The following SNX19 variants were observed in gnomAD, a reference collection of about 807,000 sequenced individuals.
SNX19 encodes the protein sorting nexin 19, also known as sorting nexin-19.
Under a neutral mutation model 85.2 loss-of-function variants are expected in SNX19, and 60 were observed. The observed-to-expected ratio is 0.70, with a 90% CI of 0.57 to 0.87. The LOEUF is 0.87. Ranked by LOEUF, SNX19 falls within the 40% of genes least tolerant of loss-of-function variation. SNX19 has a pLI of 0.00. For missense variants in SNX19, 1,201 were observed against 1,217.8 expected (o/e 0.99, Z 0.21); for synonymous variants, 520 against 470.0 (o/e 1.11, Z -1.38).
rs760126088 is a variant in SNX19, at chr11:130,905,976, T to C, written c.2420A>G (p.Gln807Arg). Residue 807 changes from glutamine to arginine, a missense_variant, in exon 7 of 11, where the codon CAA becomes CGA. Transcript: ENST00000265909. ...ACCTGGATCGCTGTTGCTGGGGTCTTGGGCTGGCACGGCTGCATCTGACAC... is the reference window on the plus strand; with the variant it reads ...ACCTGGATCGCTGTTGCTGGGGTCTCGGGCTGGCACGGCTGCATCTGACAC... Reference protein sequence around the residue: ...SCVSDAAVPAQDPSNSDPGTE... With the variant: ...SCVSDAAVPARDPSNSDPGTE... 1.9e-6 allele frequency: 3 copies of C among 1,614,218 alleles called. No individual in the cohort carries two copies. The highest frequency in any genetic ancestry group is 2.2e-5 in the East Asian group (1 of 44,880).
At position 130,915,860 on chromosome 11, in the gene SNX19, C is replaced by G. The variant is rs774443469; in HGVS notation, c.80G>C (p.Arg27Pro). 6.2e-7 allele frequency: 1 copy of G among 1,614,226 alleles called. No homozygotes were observed. The highest frequency in any genetic ancestry group is 8.5e-7 in the Non-Finnish European group (1 of 1,180,038). ...SCHLNNLLSS[R>P]KLMAVGVLLG... ...CAAGACCCCCACAGCCATCAGCTTC[C>G]GGCTACTCAACAGGTTATTGAGGTG... The change falls in exon 1 of 11, where the codon CGG becomes CCG. Residue 27 changes from arginine (R) to proline (P), a missense_variant. Transcript: ENST00000265909.
chr11:130,872,349 G>A lies in SNX19; in HGVS notation c.*6073C>T, dbSNP rs145417161. 1.3e-5 allele frequency among the ~76,000 whole-genome samples: 2 copies of A among 152,224 alleles called. No homozygotes were observed. The highest frequency in any genetic ancestry group is 3.9e-4 in the East Asian group (2 of 5,176). ...GCCCAAATTTCCCCCACCGCTTCAC[G>A]GTGGCCTTGGCTTTACACACTGTTG... On this transcript the variant is annotated 3_prime_UTR_variant, in exon 11 of 11. Coordinates refer to ENST00000265909, the MANE Select transcript of SNX19 (RefSeq NM_014758.3).
At chr11:130,883,898 C>A (rs543410685) in intron 8 of SNX19, among the ~76,000 whole-genome samples, 2 of 152,242 alleles carry the variant, frequency 1.3e-5, no homozygotes, top group African/African-American at 4.8e-5. Context: ...ACTGCCCTCA[C>A]ACAATACAAT....
rs995521526 is a variant in SNX19 at position 130,866,342 on chromosome 11, A to T, written c.*12080T>A. On this transcript the variant is annotated 3_prime_UTR_variant, in exon 11 of 11. Coordinates refer to ENST00000265909, the MANE Select transcript of SNX19 (RefSeq NM_014758.3). Reference sequence around the variant, plus strand: ...TAGTCTTCATTCTTAAAAAGTACATAGTAAAGGTATGAAAAACATTTGTAT... The same window carrying T: ...TAGTCTTCATTCTTAAAAAGTACATTGTAAAGGTATGAAAAACATTTGTAT... The T allele has an allele frequency of 3.3e-5, 5 of 152,216 alleles. No individual in the cohort carries two copies. The highest frequency in any genetic ancestry group is 1.2e-4 in the African/African-American group (5 of 41,464). 9.4% of individuals were successfully genotyped at this position (152,216 alleles called of 1,614,324 possible). A position where few individuals can be genotyped will look rare whatever the true frequency, so the allele number is the denominator to read the frequency against.
chr11:130,895,555 A>T (rs547502837), intron 8 of SNX19, among the ~76,000 whole-genome samples: 180 of 152,326 alleles, frequency 1.2e-3, no homozygotes, highest in African/African-American at 4.0e-3. Flanking sequence ...TCAAAATCTT[A>T]GGTTCCTGTT....
chr11:130,894,431 A>G (rs1304786514), intron 8 of SNX19, among the ~76,000 whole-genome samples: 1 of 152,224 alleles, frequency 6.6e-6, no homozygotes, highest in African/African-American at 2.4e-5. Flanking sequence ...GGGCTTATCT[A>G]AAAGTCACTG....
intron 8 of SNX19, among the ~76,000 whole-genome samples, chr11:130,887,906 GC>G (rs1480025069): frequency 6.6e-6 from 1 of 152,090 alleles, no homozygotes; most frequent in Non-Finnish European, 1.5e-5. Context: ...AAAATGATGT[GC>G]CCAGAACCAA....
chr11:130,879,449 T>C (rs1360140250), intron 10 of SNX19, among the ~76,000 whole-genome samples, 175 bp downstream of exon 10: 2 of 91,858 alleles, frequency 2.2e-5, no homozygotes, highest in East Asian at 2.7e-4. Context: ...ATGGTGTGGA[T>C]TTTACTTAGA....
In SNX19 at chr11:130,914,914, C is replaced by T; in HGVS notation, c.1026G>A (p.Gly342=). The stretch of plus-strand genomic sequence containing the variant: ...TTCCTACTTTTCTTTCTTCACACAT[C>T]CCACCCAAATCTCCCTCTACAGCTT... The part of the protein sequence containing the change: ...GHEAVEGDLG[G]MCEERKVGNN... Residue 342 remains glycine (G), a synonymous_variant, in exon 1 of 11, where the codon GGG becomes GGA. Coordinates refer to ENST00000265909, the MANE Select transcript of SNX19 (RefSeq NM_014758.3). The T allele has an allele frequency of 6.2e-7, 1 of 1,614,206 alleles. No homozygotes were observed. The highest frequency in any genetic ancestry group is 8.5e-7 in the Non-Finnish European group (1 of 1,180,038).
At position 130,906,574 on chromosome 11, in the gene SNX19, A is replaced by G. The variant is rs747690620; in HGVS notation, c.2262+51T>C. On this transcript the variant is annotated intron_variant, in intron 6 of 10. Transcript: ENST00000265909. ...TATCTCAACTACCTGTAACTGCAGG[A>G]CCAACATCTCAGATATTTTTGCCTC... 11 of 1,279,460 alleles carry G rather than the reference A, an allele frequency of 8.6e-6. 1 individual carries two copies. In the South Asian group the frequency reaches 1.2e-4, roughly 14 times the overall value. 79.3% of individuals were successfully genotyped at this position (1,279,460 alleles called of 1,614,324 possible).
At chr11:130,902,324 A>T (rs923733611) in intron 8 of SNX19, among the ~76,000 whole-genome samples, 1 of 152,250 alleles carries the variant, frequency 6.6e-6, no homozygotes, top group African/African-American at 2.4e-5. Flanking sequence ...ATTCAATTTT[A>T]TTAAACCTCC....
rs148379069 is a variant in SNX19 at position 130,915,373 on chromosome 11, C to A, written c.567G>T (p.Trp189Cys). Reference protein sequence around the residue: ...KNGPVEPSHLWEAYCRATAPH... With the variant: ...KNGPVEPSHLCEAYCRATAPH... ...GGGCAGTCGCCCGGCAGTAAGCCTC[C>A]CAGAGGTGGGAAGGCTCAACTGGAC... Residue 189 changes from tryptophan (W) to cysteine (C), a missense_variant, in exon 1 of 11, where the codon TGG (tryptophan) becomes TGT (cysteine). By Grantham distance (215) the Trp-to-Cys change is radical (BLOSUM62 -2). Coordinates refer to ENST00000265909, the MANE Select transcript of SNX19 (RefSeq NM_014758.3). 8.7e-6 allele frequency: 14 copies of A among 1,614,110 alleles called. No individual in the cohort carries two copies. The highest frequency in any genetic ancestry group is 1.7e-5 in the Admixed American group (1 of 60,038).
chr11:130,888,715 C>G (rs1379241183), intron 8 of SNX19, among the ~76,000 whole-genome samples: 4 of 152,098 alleles, frequency 2.6e-5, no homozygotes, highest in African/African-American at 9.7e-5. Flanking sequence ...CATCTCTAAC[C>G]CATATGGACA....
chr11:130,867,308 C>G lies in SNX19; in HGVS notation c.*11114G>C, dbSNP rs1251607155. On this transcript the variant is annotated 3_prime_UTR_variant, in exon 11 of 11. Transcript: ENST00000265909. ...AGAAAGTCCTATACATGTGTGAAGT[C>G]TTTTCCTCAGAGGAATGATGAAAAG... The G allele has an allele frequency of 2.0e-5, 3 of 152,174 alleles. No homozygotes were observed. Among genetic ancestry groups the G allele is most frequent in the African/African-American group, 7.2e-5 (3 of 41,430 alleles). The allele number at this position is 152,174 out of a possible 1,614,324, so 9.4% of individuals were successfully genotyped here.
intron 10 of SNX19, 39 bp downstream of exon 10, chr11:130,879,585 G>A (rs1170600257): frequency 6.4e-7 from 1 of 1,570,138 alleles, no homozygotes; most frequent in Non-Finnish European, 8.8e-7. Context: ...AGAGGTGGCT[G>A]TAACTATGCT....
At chr11:130,890,099 T>C (rs7952402) in intron 8 of SNX19, among the ~76,000 whole-genome samples, 89,738 of 151,222 alleles carry the variant, frequency 0.59, 27,072 homozygotes, top group South Asian at 0.73. Flanking sequence ...CCCAATATGC[T>C]GTTCAGAAAG....
Position 130,872,387 on chromosome 11 carries a change from A to G in SNX19, c.*6035T>C, listed in dbSNP as rs1026774621. 6.6e-6 allele frequency among the ~76,000 whole-genome samples: 1 copy of G among 152,192 alleles called. No individual in the cohort carries two copies. Among genetic ancestry groups the G allele is most frequent in the African/African-American group, 2.4e-5 (1 of 41,512 alleles). On this transcript the variant is annotated 3_prime_UTR_variant, in exon 11 of 11. Coordinates refer to ENST00000265909, the MANE Select transcript of SNX19 (RefSeq NM_014758.3). Reference sequence around the variant, plus strand: ...TTACACACTGTTGCTACCAAGTCACAGAAGGAAAAAGATTCTGATGATTTT... The same window carrying G: ...TTACACACTGTTGCTACCAAGTCACGGAAGGAAAAAGATTCTGATGATTTT...
intron 1 of SNX19, 89 bp downstream of exon 1, chr11:130,914,177 G>A: frequency 2.7e-6 from 3 of 1,104,254 alleles, no homozygotes; most frequent in Middle Eastern, 2.1e-4. Flanking sequence ...CAAACTAACA[G>A]CATCTCTCCC....
chr11:130,905,571 TA>T, intron 7 of SNX19: 1 of 1,106,854 alleles, frequency 9.0e-7, no homozygotes. Flanking sequence ...CAGAGTGGAC[TA>T]AGAAGCCACG....
Sources: gnomAD v4.1 joint callset for allele counts (sites outside exome capture counted in the v4.1 genomes callset) on GRCh38, gnomAD v4.1.1 for gene constraint, MANE v1.5 for transcripts, NCBI Gene and HGNC (gene_info 2026-07-23, HGNC 2026-07-21) for gene names.